Variants in DCLK1 observed in about 807,000 individuals in gnomAD.
The protein encoded by DCLK1 is doublecortin like kinase 1, also known as serine/threonine-protein kinase DCLK1.
In DCLK1, 16 loss-of-function variants were observed where a neutral mutation model predicts 86.2. The observed-to-expected ratio is 0.19, with a 90% CI of 0.13 to 0.28. The LOEUF (loss-of-function observed/expected upper bound fraction) is 0.28, where lower values mean the gene tolerates loss of function less well. Among genes scored for constraint, DCLK1 ranks in the 10% least tolerant of loss-of-function variants. The pLI is 1.00. For missense variants in DCLK1, 590 were observed against 940.2 expected (o/e 0.63, Z 4.87); for synonymous variants, 369 against 370.5 (o/e 1.00, Z 0.05).
At chr13:36,031,245 T>G (rs1882256872) in intron 3 of DCLK1, among the ~76,000 whole-genome samples, 1 of 152,012 alleles carries the variant, frequency 6.6e-6, no homozygotes. Flanking sequence ...ACTGGATAAT[T>G]CCATTTAGGC....
intron 1 of DCLK1, among the ~76,000 whole-genome samples, chr13:36,130,686 A>C (rs1350533394): frequency 6.6e-6 from 1 of 152,002 alleles, no homozygotes; most frequent in Non-Finnish European, 1.5e-5. Flanking sequence ...GCCCGGGCAC[A>C]CGGAAAAGCA....
Position 35,867,909 on chromosome 13 carries a change from A to AAAAGAAAGAAAGAAAGAAAGAAAGAAAG in DCLK1, c.940+3287_940+3314dup, listed in dbSNP as rs34489580. On this transcript the variant is annotated intron_variant, in intron 5 of 16. Transcript: ENST00000360631. ...AGAGAGAGAAAGAGAGAAAGAAAGA[A>AAAAGAAAGAAAGAAAGAAAGAAAGAAAG]AAAGAAAGAAAGAAAGAAAGAAAGA... 2.8e-3 allele frequency among the ~76,000 whole-genome samples: 288 copies of AAAAGAAAGAAAGAAAGAAAGAAAGAAAG among 102,416 alleles called. 6 individuals are homozygous for AAAAGAAAGAAAGAAAGAAAGAAAGAAAG. Among genetic ancestry groups the AAAAGAAAGAAAGAAAGAAAGAAAGAAAG allele is most frequent in the Non-Finnish European group, 3.6e-3 (191 of 53,594 alleles). 67.2% of individuals were successfully genotyped at this position (102,416 alleles called of 152,430 possible).
intron 4 of DCLK1, among the ~76,000 whole-genome samples, chr13:35,924,530 T>C (rs1349644506): frequency 6.6e-6 from 1 of 152,190 alleles, no homozygotes; most frequent in Non-Finnish European, 1.5e-5. Context: ...CACACACCTG[T>C]AGTCCCAGCT....
intron 4 of DCLK1, among the ~76,000 whole-genome samples, chr13:35,914,291 C>T (rs1478012750): frequency 1.4e-5 from 2 of 144,016 alleles, no homozygotes; most frequent in Non-Finnish European, 3.0e-5. Flanking sequence ...TGCACTCCAG[C>T]CTGGGCAACA....
chr13:35,780,258 C>T (rs2086502781), intron 16 of DCLK1, among the ~76,000 whole-genome samples: 1 of 152,122 alleles, frequency 6.6e-6, no homozygotes, highest in African/African-American at 2.4e-5. Flanking sequence ...AGGCTTGAGG[C>T]TCCATGAACA....
At chr13:35,969,868 A>G (rs1252936362) in intron 3 of DCLK1, among the ~76,000 whole-genome samples, 1 of 152,166 alleles carries the variant, frequency 6.6e-6, no homozygotes, top group Non-Finnish European at 1.5e-5. Flanking sequence ...GCCCTCATGA[A>G]TGGGATTAGT....
rs763753036 is a variant in DCLK1, at chr13:35,979,329, A to T, written c.724-31872T>A. 2.1e-3 allele frequency among the ~76,000 whole-genome samples: 325 copies of T among 152,324 alleles called. 1 individual carries two copies. The highest frequency in any genetic ancestry group is 3.5e-3 in the Non-Finnish European group (235 of 68,028). ...GGACTAATCAATGAGGTTTCATGGA[A>T]GACAAGGGATGTCAGCTGATCTCTG... On this transcript the variant is annotated intron_variant, in intron 3 of 16. Transcript: ENST00000360631.
chr13:36,016,012 G>A (rs1275708324), intron 3 of DCLK1, among the ~76,000 whole-genome samples: 1 of 152,064 alleles, frequency 6.6e-6, no homozygotes, highest in Non-Finnish European at 1.5e-5. Flanking sequence ...TATTTATTTG[G>A]GTAATAACTA....
At chr13:36,109,994 G>A (rs996135632) in intron 3 of DCLK1, among the ~76,000 whole-genome samples, 9 of 152,190 alleles carry the variant, frequency 5.9e-5, no homozygotes, top group African/African-American at 2.2e-4. Flanking sequence ...TTTAGATTCA[G>A]AGTAGCATTT....
chr13:35,880,830 T>C (rs1872847704), intron 4 of DCLK1, among the ~76,000 whole-genome samples: 1 of 152,150 alleles, frequency 6.6e-6, no homozygotes, highest in Non-Finnish European at 1.5e-5. Context: ...AGTAAAGCAG[T>C]TATTAAAATT....
chr13:35,870,791 C>A (rs1872219807), intron 5 of DCLK1, among the ~76,000 whole-genome samples: 1 of 152,142 alleles, frequency 6.6e-6, no homozygotes, highest in South Asian at 2.1e-4. Flanking sequence ...AATCTCACTA[C>A]CTTTAGCTCC....
chr13:36,045,809 C>T (rs1299211530), intron 3 of DCLK1, among the ~76,000 whole-genome samples: 2 of 151,226 alleles, frequency 1.3e-5, no homozygotes, highest in African/African-American at 4.9e-5. Context: ...GCTGAGATAG[C>T]GCCACTGTAC....
At chr13:35,775,463 C>G (rs1222938742) in intron 16 of DCLK1, among the ~76,000 whole-genome samples, 1 of 152,148 alleles carries the variant, frequency 6.6e-6, no homozygotes, top group Admixed American at 6.5e-5. Flanking sequence ...TCCGATGATT[C>G]CCCGGATGTG....
chr13:36,003,034 G>A (rs1880788224), intron 3 of DCLK1, among the ~76,000 whole-genome samples: 1 of 152,168 alleles, frequency 6.6e-6, no homozygotes, highest in South Asian at 2.1e-4. Flanking sequence ...ATCTAGCAGT[G>A]TGTCCTCTTC....
intron 2 of DCLK1, among the ~76,000 whole-genome samples, chr13:36,123,048 G>T (rs1258357436): frequency 1.3e-5 from 2 of 152,172 alleles, no homozygotes; most frequent in African/African-American, 4.8e-5. Flanking sequence ...GAAAGAGCAA[G>T]AAAATAACTA....
At chr13:35,892,523 G>A (rs900477854) in intron 4 of DCLK1, among the ~76,000 whole-genome samples, 1 of 152,144 alleles carries the variant, frequency 6.6e-6, no homozygotes, top group African/African-American at 2.4e-5. Flanking sequence ...CATTTGTGAG[G>A]TGTTTCTCTA....
chr13:35,784,953 C>T (rs2086593628), intron 16 of DCLK1, among the ~76,000 whole-genome samples: 1 of 152,258 alleles, frequency 6.6e-6, no homozygotes, highest in Admixed American at 6.5e-5. Flanking sequence ...TAACTGACCC[C>T]ATTCCTTTTA....
At chr13:35,953,539 T>C (rs1877817764) in intron 3 of DCLK1, among the ~76,000 whole-genome samples, 1 of 152,166 alleles carries the variant, frequency 6.6e-6, no homozygotes, top group African/African-American at 2.4e-5. Context: ...TCTGAATTCA[T>C]ATCTTTTCCA....
chr13:36,028,259 C>A (rs1191275355), intron 3 of DCLK1, among the ~76,000 whole-genome samples: 1 of 152,180 alleles, frequency 6.6e-6, no homozygotes, highest in Non-Finnish European at 1.5e-5. Context: ...TAAAATCCAA[C>A]TGCATAGTGG....
Sources: gnomAD v4.1 joint callset for allele counts (sites outside exome capture counted in the v4.1 genomes callset) on GRCh38, gnomAD v4.1.1 for gene constraint, MANE v1.5 for transcripts, NCBI Gene and HGNC (gene_info 2026-07-23, HGNC 2026-07-21) for gene names.